RAD52: variants seen among roughly 807,000 people sequenced by gnomAD.
RAD52 encodes the protein DNA repair protein RAD52 homolog.
In RAD52, 47 loss-of-function variants were observed where a neutral mutation model predicts 55.5. That is an observed-to-expected ratio of 0.85 (90% CI 0.67 to 1.08). The LOEUF (loss-of-function observed/expected upper bound fraction) is 1.08. Ranked by LOEUF, RAD52 falls within the 50% of genes least tolerant of loss-of-function variation. The pLI, the probability that RAD52 is intolerant of heterozygous loss-of-function variation, is 0.00. For missense variants in RAD52, 468 were observed against 522.8 expected, an observed-to-expected ratio of 0.90 and a Z score of 1.02; for synonymous variants, 184 against 198.9, an observed-to-expected ratio of 0.92 and a Z score of 0.63.
chr12:925,373 A>G, intron 7 of RAD52, 77 bp downstream of exon 7: 1 of 1,248,140 alleles, frequency 8.0e-7, no homozygotes, highest in Non-Finnish European at 1.2e-6. Flanking sequence ...TTCTCCTTGC[A>G]TCCTCCAAAT....
At chr12:989,268 C>T (rs1321636388) in intron 1 of RAD52, among the ~76,000 whole-genome samples, 1 of 152,190 alleles carries the variant, frequency 6.6e-6, no homozygotes, top group African/African-American at 2.4e-5. Context: ...GGTCCCCTTC[C>T]TTTCTACAGC....
intron 1 of RAD52, among the ~76,000 whole-genome samples, chr12:935,857 AAAATAAATAAATAAATAAAT>A (rs35867275): frequency 1.3e-4 from 17 of 134,812 alleles, no homozygotes; most frequent in African/African-American, 3.5e-4. Context: ...CCGTCTCAAA[AAAATAAATAAATAAATAAAT>A]AAATAAATAA....
intron 1 of RAD52, among the ~76,000 whole-genome samples, chr12:966,610 T>C (rs138948658): frequency 6.6e-6 from 1 of 152,066 alleles, no homozygotes; most frequent in Non-Finnish European, 1.5e-5. Flanking sequence ...TTACAGTCAG[T>C]GCACTTGCTT....
chr12:915,287 C>G (rs2154108044), intron 9 of RAD52, among the ~76,000 whole-genome samples: 1 of 152,340 alleles, frequency 6.6e-6, no homozygotes, highest in South Asian at 2.1e-4. Context: ...GGTTAAGAAG[C>G]TAAACACCTG....
chr12:984,418 G>A (rs1263459242), intron 1 of RAD52, among the ~76,000 whole-genome samples: 3 of 151,814 alleles, frequency 2.0e-5, no homozygotes, highest in Non-Finnish European at 2.9e-5. Flanking sequence ...GGTTGGTCTC[G>A]AACTCCTGAC....
intron 6 of RAD52, 66 bp from the exon 7 acceptor site, chr12:925,591 G>T (rs1272108841): frequency 7.5e-7 from 1 of 1,328,306 alleles, no homozygotes; most frequent in Admixed American, 1.7e-5. Flanking sequence ...TCAGAGAATA[G>T]AATTACAACT....
In RAD52 at chr12:931,445, T is replaced by A. The variant is rs11571408; in HGVS notation, c.85-124A>T. The A allele has an allele frequency of 2.3e-4, 146 of 647,280 alleles. No homozygotes were observed. The African/African-American group carries it at 2.5e-3, about 11-fold the overall frequency. The allele number at this position is 647,280 out of a possible 1,614,324, so 40.1% of individuals were successfully genotyped here. On this transcript the variant is annotated intron_variant, in intron 2 of 11. Coordinates refer to ENST00000358495, the MANE Select transcript of RAD52 (RefSeq NM_134424.4). The stretch of plus-strand genomic sequence containing the variant: ...CCCCAGAACCTTTGTTTATGTGGGT[T>A]CTATGTATCCTATTAGGAATCAAAA...
At chr12:915,213 GC>G (rs1370252919) in intron 9 of RAD52, among the ~76,000 whole-genome samples, 1 of 152,204 alleles carries the variant, frequency 6.6e-6, no homozygotes. Context: ...CGGGTTGTCT[GC>G]CAAGGGGCAG....
At chr12:970,802 A>G (rs1958837547) in intron 1 of RAD52, among the ~76,000 whole-genome samples, 1 of 152,322 alleles carries the variant, frequency 6.6e-6, no homozygotes, top group Non-Finnish European at 1.5e-5. Flanking sequence ...TGGGTAGGGT[A>G]TCACAGCAAA....
intron 1 of RAD52, among the ~76,000 whole-genome samples, chr12:960,628 TTTG>T (rs896497270): frequency 6.6e-6 from 1 of 152,008 alleles, no homozygotes. Flanking sequence ...ACACCCTATT[TTTG>T]TTGTTGTTGT....
chr12:940,070 G>A (rs1490185417), intron 1 of RAD52, among the ~76,000 whole-genome samples: 1 of 149,472 alleles, frequency 6.7e-6, no homozygotes, highest in Non-Finnish European at 1.5e-5. Flanking sequence ...ATGAGACTCT[G>A]TCTCAAAAAA....
intron 2 of RAD52, among the ~76,000 whole-genome samples, 190 bp downstream of exon 2, chr12:932,785 C>G (rs11571403): frequency 0.014 from 1,936 of 140,566 alleles, 26 homozygotes; most frequent in East Asian, 0.059. Flanking sequence ...TGCCCCCGCA[C>G]GCACCGCGTC....
intron 1 of RAD52, among the ~76,000 whole-genome samples, chr12:946,220 A>G (rs568131209): frequency 2.6e-5 from 4 of 152,270 alleles, no homozygotes; most frequent in African/African-American, 7.2e-5. Flanking sequence ...CTCCACATCA[A>G]AACTGCCAGT....
intron 1 of RAD52, among the ~76,000 whole-genome samples, chr12:947,897 A>C (rs1456323712): frequency 6.7e-6 from 1 of 148,560 alleles, no homozygotes. Flanking sequence ...AAAAAAAAAA[A>C]AAAAACAAAA....
At chr12:978,919 C>T (rs12812558) in intron 1 of RAD52, among the ~76,000 whole-genome samples, 320 of 67,338 alleles carry the variant, frequency 4.8e-3, no homozygotes, top group South Asian at 9.5e-3. Flanking sequence ...GATAGATAGA[C>T]AGACAGACAG....
intron 1 of RAD52, among the ~76,000 whole-genome samples, chr12:948,878 T>C (rs1278198358): frequency 6.6e-6 from 1 of 151,870 alleles, no homozygotes; most frequent in African/African-American, 2.4e-5. Flanking sequence ...TTTGTATTTT[T>C]AGTAGAGACG....
intron 1 of RAD52, among the ~76,000 whole-genome samples, chr12:982,862 T>C (rs1959037193): frequency 6.6e-6 from 1 of 151,148 alleles, no homozygotes; most frequent in South Asian, 2.1e-4. Context: ...ATTTTTGTTC[T>C]GTTTTGAGAC....
At chr12:982,656 CTTTTTT>C (rs34866890) in intron 1 of RAD52, among the ~76,000 whole-genome samples, 18 of 86,432 alleles carry the variant, frequency 2.1e-4, no homozygotes, top group African/African-American at 8.3e-4. Flanking sequence ...ACAATCTAGA[CTTTTTT>C]TTTTTTTTTT....
Position 932,966 on chromosome 12 carries a change from C to G in RAD52, c.84+9G>C, listed in dbSNP as rs1432760181. The G allele has an allele frequency of 6.2e-7, 1 of 1,613,580 alleles. No homozygotes were observed. The highest frequency in any genetic ancestry group is 2.2e-5 in the East Asian group (1 of 44,874). On this transcript the variant is annotated intron_variant, in intron 2 of 11. Coordinates refer to ENST00000358495, the MANE Select transcript of RAD52 (RefSeq NM_134424.4). ...TCATTCTTTCCCGGCATGAAGGAAC[C>G]ACAGTTACCTGTCCAAAGCATAACA...
Sources: allele counts gnomAD v4.1 joint callset (sites outside exome capture counted in the v4.1 genomes callset), GRCh38; gene constraint gnomAD v4.1.1; transcripts MANE v1.5; gene names NCBI Gene and HGNC (gene_info 2026-07-23, HGNC 2026-07-21).